MARCHF1: variants seen among roughly 807,000 people sequenced by gnomAD.
The protein encoded by MARCHF1 is E3 ubiquitin-protein ligase MARCHF1.
A neutral mutation model predicts 54.2 loss-of-function variants in MARCHF1; 40 were observed. The observed-to-expected ratio is 0.74, with a 90% CI of 0.57 to 0.96. The LOEUF is 0.96. Among genes scored for constraint, MARCHF1 ranks in the 40% least tolerant of loss-of-function variants. MARCHF1 has a pLI of 0.00. For synonymous variants in MARCHF1, 236 were observed against 236.3 expected (o/e 1.00, Z 0.01); for missense variants, 586 against 656.5 (o/e 0.89, Z 1.17).
intron 1 of MARCHF1, among the ~76,000 whole-genome samples, chr4:164,333,946 C>T (rs1729652644): frequency 6.6e-6 from 1 of 152,140 alleles, no homozygotes; most frequent in Admixed American, 6.5e-5. Flanking sequence ...ATCAAACCAG[C>T]CACAATATTC....
chr4:164,059,816 A>C (rs1754575686), intron 2 of MARCHF1, among the ~76,000 whole-genome samples: 1 of 152,190 alleles, frequency 6.6e-6, no homozygotes, highest in South Asian at 2.1e-4. Flanking sequence ...TACTTGTTTG[A>C]AATGAATAAA....
intron 3 of MARCHF1, among the ~76,000 whole-genome samples, chr4:163,981,740 G>A (rs1018509666): frequency 6.6e-6 from 1 of 152,094 alleles, no homozygotes. Flanking sequence ...GCTAATCAGC[G>A]AGTTTTAAAA....
intron 2 of MARCHF1, among the ~76,000 whole-genome samples, chr4:164,084,144 A>C (rs1237744238): frequency 6.6e-6 from 1 of 151,956 alleles, no homozygotes; most frequent in Non-Finnish European, 1.5e-5. Context: ...CTAGGATATT[A>C]TAATAACTTA....
intron 8 of MARCHF1, among the ~76,000 whole-genome samples, chr4:163,577,013 T>C (rs576766996): frequency 6.6e-6 from 1 of 152,046 alleles, no homozygotes; most frequent in Non-Finnish European, 1.5e-5. Context: ...TTTTCCTTTT[T>C]TTTAAATACA....
intron 1 of MARCHF1, among the ~76,000 whole-genome samples, chr4:164,297,938 C>T (rs1734452889): frequency 6.6e-6 from 1 of 152,090 alleles, no homozygotes; most frequent in Admixed American, 6.6e-5. Context: ...CATGAATCTC[C>T]TCAATTTAAA....
intron 1 of MARCHF1, among the ~76,000 whole-genome samples, chr4:164,345,669 A>G (rs1330043272): frequency 6.6e-6 from 1 of 151,610 alleles, no homozygotes; most frequent in Admixed American, 6.6e-5. Flanking sequence ...CTAACACATC[A>G]CGCAAATTTG....
intron 4 of MARCHF1, among the ~76,000 whole-genome samples, chr4:163,798,485 G>C (rs539125276): frequency 4.3e-4 from 65 of 152,064 alleles, no homozygotes; most frequent in South Asian, 8.3e-4. Flanking sequence ...CATTTTGAAG[G>C]GTTTTTGCAG....
chr4:163,829,235 A>G (rs1748946188), intron 4 of MARCHF1: 2 of 152,176 alleles, frequency 1.3e-5, no homozygotes, highest in African/African-American at 4.8e-5. Context: ...CTAAAAAGCT[A>G]CTTTACTCAG....
intron 2 of MARCHF1, among the ~76,000 whole-genome samples, chr4:164,061,022 G>C (rs539212205): frequency 6.6e-6 from 1 of 152,294 alleles, no homozygotes; most frequent in African/African-American, 2.4e-5. Flanking sequence ...ACTTAGAAAT[G>C]TATCCAGCTA....
intron 3 of MARCHF1, among the ~76,000 whole-genome samples, chr4:163,973,760 G>A (rs1306026209): frequency 6.6e-6 from 1 of 152,166 alleles, no homozygotes; most frequent in Non-Finnish European, 1.5e-5. Flanking sequence ...ATTTTATGCT[G>A]CACTAAGAAA....
chr4:164,097,619 G>A lies in MARCHF1; in HGVS notation c.-248+13969C>T, dbSNP rs190240342. Among the ~76,000 whole-genome samples, 1,007 of 148,996 alleles carry A rather than the reference G, an allele frequency of 6.8e-3. 17 individuals are homozygous for A. Among genetic ancestry groups the A allele is most frequent in the African/African-American group, 0.024 (930 of 38,600 alleles). On this transcript the variant is annotated intron_variant, in intron 2 of 9. Coordinates refer to ENST00000514618, the MANE Select transcript of MARCHF1 (RefSeq NM_001394959.1). ...TGCTTGGGTAATCCTCTGTATTTAA[G>A]TATATGTATTAAAAATATTAACAAA...
intron 5 of MARCHF1, among the ~76,000 whole-genome samples, chr4:163,652,470 CTT>C (rs2111074414): frequency 6.6e-6 from 1 of 151,922 alleles, no homozygotes; most frequent in African/African-American, 2.4e-5. Context: ...TGCATTTACT[CTT>C]TGTTTCTGAC....
intron 5 of MARCHF1, among the ~76,000 whole-genome samples, chr4:163,632,264 A>T (rs1742116450): frequency 6.6e-6 from 1 of 152,196 alleles, no homozygotes; most frequent in Non-Finnish European, 1.5e-5. Flanking sequence ...GAATAGGAAC[A>T]GCTCCGGTCT....
chr4:163,956,607 G>A (rs1000011628), intron 3 of MARCHF1, among the ~76,000 whole-genome samples: 2 of 152,012 alleles, frequency 1.3e-5, no homozygotes, highest in South Asian at 2.1e-4. Flanking sequence ...AGATATCAGT[G>A]AAATAGACAA....
chr4:163,654,031 A>C (rs1455261607), intron 5 of MARCHF1, among the ~76,000 whole-genome samples: 4 of 151,802 alleles, frequency 2.6e-5, no homozygotes, highest in Admixed American at 6.6e-5. Context: ...ATTAAGAACC[A>C]CCATGAATAG....
chr4:164,257,900 G>A (rs1733338546), intron 1 of MARCHF1, among the ~76,000 whole-genome samples: 1 of 152,092 alleles, frequency 6.6e-6, no homozygotes, highest in South Asian at 2.1e-4. Flanking sequence ...ACCCATTACT[G>A]GGTATATACC....
intron 2 of MARCHF1, among the ~76,000 whole-genome samples, chr4:164,096,501 G>T (rs985587057): frequency 2.0e-5 from 3 of 151,834 alleles, no homozygotes; most frequent in African/African-American, 7.3e-5. Flanking sequence ...ATAAATATAA[G>T]CCCAAACCTC....
At position 164,078,676 on chromosome 4, in the gene MARCHF1, A is replaced by C. The variant is rs562272196; in HGVS notation, c.-248+32912T>G. On this transcript the variant is annotated intron_variant, in intron 2 of 9. Coordinates refer to ENST00000514618, the MANE Select transcript of MARCHF1 (RefSeq NM_001394959.1). ...TACATAGAACTTCTAGAAATACTAG[A>C]ACTGAAGTTAAAATTTCAAGAACTG... 2.6e-5 allele frequency among the ~76,000 whole-genome samples: 4 copies of C among 152,360 alleles called. No individual in the cohort carries two copies. In the East Asian group the frequency reaches 7.7e-4, roughly 29 times the overall value.
intron 4 of MARCHF1, among the ~76,000 whole-genome samples, chr4:163,767,024 TATCTC>T (rs1197527068): frequency 6.6e-6 from 1 of 151,540 alleles, no homozygotes; most frequent in Admixed American, 6.6e-5. Flanking sequence ...TTTTTTTCAT[TATCTC>T]ATTTAATTCC....
Sources: allele counts gnomAD v4.1 joint callset (sites outside exome capture counted in the v4.1 genomes callset), GRCh38; gene constraint gnomAD v4.1.1; transcripts MANE v1.5; gene names NCBI Gene and HGNC (gene_info 2026-07-23, HGNC 2026-07-21).